The following C4orf54 variants were observed in gnomAD, a reference collection of about 807,000 sequenced individuals.
The protein encoded by C4orf54 is chromosome 4 open reading frame 54.
A neutral mutation model predicts 80.1 loss-of-function variants in C4orf54; 67 were observed. The observed-to-expected ratio is 0.84, with a 90% confidence interval of 0.69 to 1.03. The LOEUF is 1.03. Ranked by LOEUF, C4orf54 falls within the 50% of genes least tolerant of loss-of-function variation. The pLI is 0.00. For missense variants in C4orf54, 2,434 were observed against 2,253.5 expected (o/e 1.08, Z -1.62); for synonymous variants, 1,000 against 917.0 (o/e 1.09, Z -1.64).
chr4:99,641,542 C>T (rs1402134295), intron 2 of C4orf54, among the ~76,000 whole-genome samples: 1 of 151,992 alleles, frequency 6.6e-6, no homozygotes, highest in Non-Finnish European at 1.5e-5. Context: ...TATTAGCATG[C>T]AGAAATATTT....
rs764366225 is a variant in C4orf54, at chr4:99,650,010, G to A, written c.4639C>T (p.Pro1547Ser). The A allele has an allele frequency of 3.5e-5, 54 of 1,535,314 alleles. No individual in the cohort carries two copies. The highest frequency in any genetic ancestry group is 7.3e-5 in the East Asian group (3 of 40,886). ...GGATGCTCGGGGCTCTGTGGCCCTG[G>A]GGGGGCAGCTACTGTCTCCCGGGGG... Reference protein sequence around the residue: ...DNPRETVAAPPGPQSPEHPPT... With the variant: ...DNPRETVAAPSGPQSPEHPPT... The change falls in exon 2 of 3, where the codon CCA becomes TCA. Residue 1547 changes from proline to serine, a missense_variant. By Grantham distance (74) the Pro-to-Ser change is moderately conservative. Transcript: ENST00000511828.
At position 99,638,313 on chromosome 4, in the gene C4orf54, A is replaced by T. The variant is rs1038280168; in HGVS notation, c.*2920T>A. 2.6e-5 allele frequency: 4 copies of T among 152,190 alleles called. No individual in the cohort carries two copies. Among genetic ancestry groups the T allele is most frequent in the African/African-American group, 9.6e-5 (4 of 41,458 alleles). 9.4% of individuals were successfully genotyped at this position (152,190 alleles called of 1,614,324 possible). ...TTCATTGAGTACTTTTTAAAAACAT[A>T]CATTCTGGCGAATTAAATTTTTATA... On this transcript the variant is annotated 3_prime_UTR_variant, in exon 3 of 3. Coordinates refer to ENST00000511828, the MANE Select transcript of C4orf54 (RefSeq NM_001354435.2).
chr4:99,651,848 C>G lies in C4orf54; in HGVS notation c.2801G>C (p.Gly934Ala). 6.5e-7 allele frequency: 1 copy of G among 1,536,118 alleles called. No homozygotes were observed. Among genetic ancestry groups the G allele is most frequent in the Non-Finnish European group, 8.7e-7 (1 of 1,146,926 alleles). The change falls in exon 2 of 3, where the codon GGC (glycine) becomes GCC (alanine). Residue 934 changes from glycine to alanine, a missense_variant. Gly to Ala is a moderately conservative substitution (Grantham distance 60, BLOSUM62 0). Coordinates refer to ENST00000511828, the MANE Select transcript of C4orf54 (RefSeq NM_001354435.2). ...ACTGTTCTGACTACGGAGGAAGATG[C>G]CCTTGACGGTCTCTGAGGCACTCTT... ...IKKSASETVKGIFLRSQNSAF... is the reference protein window; with the variant it reads ...IKKSASETVKAIFLRSQNSAF...
At position 99,654,344 on chromosome 4, in the gene C4orf54, G is replaced by A. The variant is rs1726941064; in HGVS notation, c.305C>T (p.Pro102Leu). The change falls in exon 2 of 3, where the codon CCA becomes CTA. Residue 102 changes from proline to leucine, a missense_variant. By Grantham distance (98) the Pro-to-Leu change is moderately conservative. Transcript: ENST00000511828. The part of the protein sequence containing the change: ...AVAAVPTALG[P>L]VQIRGTLLRA... Reference sequence around the variant, plus strand: ...AAGCAGGGTCCCACGTATCTGGACTGGCCCCAAGGCTGTAGGCACTGCTGC... The same window carrying A: ...AAGCAGGGTCCCACGTATCTGGACTAGCCCCAAGGCTGTAGGCACTGCTGC... 12 of 1,324,210 alleles carry A rather than the reference G, an allele frequency of 9.1e-6. No individual in the cohort carries two copies. The highest frequency in any genetic ancestry group is 1.3e-5 in the Non-Finnish European group (12 of 953,908). The allele number at this position is 1,324,210 out of a possible 1,614,324, so 82.0% of individuals were successfully genotyped here.
chr4:99,652,219 G>A lies in C4orf54; in HGVS notation c.2430C>T (p.Ser810=). 2.6e-6 allele frequency: 4 copies of A among 1,535,986 alleles called. No homozygotes were observed. The highest frequency in any genetic ancestry group is 2.4e-5 in the East Asian group (1 of 40,868). Residue 810 remains serine, a synonymous_variant, in exon 2 of 3, where the codon TCC becomes TCT. Coordinates refer to ENST00000511828, the MANE Select transcript of C4orf54 (RefSeq NM_001354435.2). ...ADGPQKSKFA[S]SLLKNVISKK... ...TGGAAATGACATTTTTGAGCAGACTGGAGGCGAACTTGGACTTCTGGGGGC... is the reference window on the plus strand; with the variant it reads ...TGGAAATGACATTTTTGAGCAGACTAGAGGCGAACTTGGACTTCTGGGGGC...
chr4:99,653,368 G>C lies in C4orf54; in HGVS notation c.1281C>G (p.Asp427Glu). Residue 427 changes from aspartate (D) to glutamate (E), a missense_variant, in exon 2 of 3, where the codon GAC becomes GAG. Physicochemically the swap from Asp to Glu is conservative, Grantham distance 45. Transcript: ENST00000511828. ...TGGTGCTGAGGTAGCAGCTGTTGTC[G>C]TCGTCCTCTTCGGTCAGACTGGTGA... ...GDITSLTEEDDDNSCYLSTTP... is the reference protein window; with the variant it reads ...GDITSLTEEDEDNSCYLSTTP... The C allele has an allele frequency of 6.5e-7, 1 of 1,536,268 alleles. No individual in the cohort carries two copies. The highest frequency in any genetic ancestry group is 2.4e-5 in the East Asian group (1 of 40,906).
At position 99,654,274 on chromosome 4, in the gene C4orf54, G is replaced by T; in HGVS notation, c.375C>A (p.Asp125Glu). 1 of 1,535,924 alleles carries T rather than the reference G, an allele frequency of 6.5e-7. No individual in the cohort carries two copies. Among genetic ancestry groups the T allele is most frequent in the South Asian group, 1.2e-5 (1 of 84,044 alleles). The change falls in exon 2 of 3, where the codon GAC becomes GAA. Residue 125 changes from aspartate to glutamate, a missense_variant. By Grantham distance (45) the Asp-to-Glu change is conservative. Coordinates refer to ENST00000511828, the MANE Select transcript of C4orf54 (RefSeq NM_001354435.2). ...QPLRGQRRTQ[D>E]FPSDHHCLFL... ...AGAGACAATGGTGATCGCTGGGGAA[G>T]TCTTGGGTCCGTCTCTGGCCCCGGA...
In C4orf54 at chr4:99,652,800, C is replaced by T; in HGVS notation, c.1849G>A (p.Asp617Asn). 6.5e-7 allele frequency: 1 copy of T among 1,536,136 alleles called. No individual in the cohort carries two copies. The highest frequency in any genetic ancestry group is 8.7e-7 in the Non-Finnish European group (1 of 1,146,906). Residue 617 changes from aspartate to asparagine, a missense_variant, in exon 2 of 3, where the codon GAC (aspartate) becomes AAC (asparagine). Asp to Asn is a conservative substitution (Grantham distance 23). Transcript: ENST00000511828. ...SGASSAVSEL[D>N]DADKEVRNLT... ...TTACGCACCTCTTTGTCCGCATCGTCCAGTTCGCTCACGGCACTGGAGGCT... is the reference window on the plus strand; with the variant it reads ...TTACGCACCTCTTTGTCCGCATCGTTCAGTTCGCTCACGGCACTGGAGGCT...
In C4orf54 at chr4:99,654,293, C is replaced by T. The variant is rs1377895344; in HGVS notation, c.356G>A (p.Gly119Asp). ...LLRATLQPLR[G>D]QRRTQDFPSD... is the part of the protein sequence containing the mutation. Reference sequence around the variant, plus strand: ...GGGGAAGTCTTGGGTCCGTCTCTGGCCCCGGAGGGGCTGCAGAGTTGCCCG... The same window carrying T: ...GGGGAAGTCTTGGGTCCGTCTCTGGTCCCGGAGGGGCTGCAGAGTTGCCCG... Residue 119 changes from glycine to aspartate, a missense_variant, in exon 2 of 3, where the codon GGC becomes GAC. By Grantham distance (94) the Gly-to-Asp change is moderately conservative (BLOSUM62 -1). Transcript: ENST00000511828. 6.5e-6 allele frequency: 10 copies of T among 1,532,142 alleles called. No homozygotes were observed. The highest frequency in any genetic ancestry group is 8.7e-6 in the Non-Finnish European group (10 of 1,143,270). 94.9% of individuals were successfully genotyped at this position (1,532,142 alleles called of 1,614,324 possible).
rs1400245777 is a variant in C4orf54 at position 99,649,906 on chromosome 4, T to G, written c.4743A>C (p.Pro1581=). Residue 1581 remains proline, a synonymous_variant, in exon 2 of 3, where the codon CCA becomes CCC. Coordinates refer to ENST00000511828, the MANE Select transcript of C4orf54 (RefSeq NM_001354435.2). ...GAQPQVLCFS[P]PSMPAPAPAA... ...CAGGTGCTGGGGCAGGCATGCTGGG[T>G]GGGGAGAAGCAGAGGACCTGAGGCT... The G allele has an allele frequency of 6.6e-7, 1 of 1,526,192 alleles. No homozygotes were observed. The highest frequency in any genetic ancestry group is 1.2e-5 in the South Asian group (1 of 83,472). The allele number at this position is 1,526,192 out of a possible 1,614,324, so 94.5% of individuals were successfully genotyped here.
Position 99,649,506 on chromosome 4 carries a change from T to C in C4orf54, c.5143A>G (p.Ser1715Gly), listed in dbSNP as rs1302747115. Residue 1715 changes from serine to glycine, a missense_variant, in exon 2 of 3, where the codon AGC becomes GGC. By Grantham distance (56) the Ser-to-Gly change is moderately conservative (BLOSUM62 0). Transcript: ENST00000511828. Reference protein sequence around the residue: ...ELSPMVAEPSSKEAAATFTEA... With the variant: ...ELSPMVAEPSGKEAAATFTEA... The stretch of plus-strand genomic sequence containing the variant: ...GTGAACGTTGCAGCTGCCTCTTTGC[T>C]GGAAGGTTCTGCCACCATTGGGGAG... The C allele has an allele frequency of 1.3e-6, 2 of 1,536,122 alleles. No homozygotes were observed. Among genetic ancestry groups the C allele is most frequent in the Admixed American group, 2.0e-5 (1 of 51,000 alleles).
At position 99,652,756 on chromosome 4, in the gene C4orf54, G is replaced by T; in HGVS notation, c.1893C>A (p.Phe631Leu). Residue 631 changes from phenylalanine (F) to leucine (L), a missense_variant, in exon 2 of 3, where the codon TTC becomes TTA. By Grantham distance (22) the Phe-to-Leu change is conservative (BLOSUM62 0). Coordinates refer to ENST00000511828, the MANE Select transcript of C4orf54 (RefSeq NM_001354435.2). ...KEVRNLTSRA[F>L]RSLAYPYFEA... ...CAAAGTAGGGGTAAGCCAGGCTCCG[G>T]AAGGCCCGGGAGGTCAGGTTACGCA... 1 of 1,536,092 alleles carries T rather than the reference G, an allele frequency of 6.5e-7. No individual in the cohort carries two copies. The highest frequency in any genetic ancestry group is 8.7e-7 in the Non-Finnish European group (1 of 1,146,904).
chr4:99,657,298 A>G (rs546028901), intron 1 of C4orf54, among the ~76,000 whole-genome samples, 197 bp downstream of exon 1: 16 of 152,360 alleles, frequency 1.1e-4, no homozygotes, highest in African/African-American at 3.8e-4. Flanking sequence ...AACAGATTTC[A>G]GCTGAGTTTC....
At chr4:99,655,438 C>A (rs1332062473) in intron 1 of C4orf54, among the ~76,000 whole-genome samples, 1 of 152,190 alleles carries the variant, frequency 6.6e-6, no homozygotes, top group Non-Finnish European at 1.5e-5. Flanking sequence ...GAGCTGCAGC[C>A]TCATGATTCG....
chr4:99,644,077 G>A lies in C4orf54; in HGVS notation c.*37-2881C>T, dbSNP rs575869334. On this transcript the variant is annotated intron_variant, in intron 2 of 2. Coordinates refer to ENST00000511828, the MANE Select transcript of C4orf54 (RefSeq NM_001354435.2). ...TTTACAACAAAGAACTGAGACCAGCGAGCAGAGAATAAGACAAATAAATGA... is the reference window on the plus strand; with the variant it reads ...TTTACAACAAAGAACTGAGACCAGCAAGCAGAGAATAAGACAAATAAATGA... Among the ~76,000 whole-genome samples, 22 of 152,234 alleles carry A rather than the reference G, an allele frequency of 1.4e-4. 1 individual carries two copies. Among genetic ancestry groups the A allele is most frequent in the African/African-American group, 4.6e-4 (19 of 41,514 alleles).
chr4:99,653,125 G>C lies in C4orf54; in HGVS notation c.1524C>G (p.Ala508=). 1 of 1,536,154 alleles carries C rather than the reference G, an allele frequency of 6.5e-7. No individual in the cohort carries two copies. The highest frequency in any genetic ancestry group is 8.7e-7 in the Non-Finnish European group (1 of 1,146,906). The change falls in exon 2 of 3, where the codon GCC becomes GCG. Residue 508 remains alanine (A), a synonymous_variant. Coordinates refer to ENST00000511828, the MANE Select transcript of C4orf54 (RefSeq NM_001354435.2). ...TTGCTGCACTCCCACAGCTGCTTGC[G>C]GCGGCGGCTGCTGCCCCTGAAGCTG... ...PEAASGAAAA[A]ASSCGSAASQ... is the part of the protein sequence containing the mutation.
In C4orf54 at chr4:99,650,995, A is replaced by G; in HGVS notation, c.3654T>C (p.Pro1218=). 1 of 1,536,034 alleles carries G rather than the reference A, an allele frequency of 6.5e-7. No homozygotes were observed. The highest frequency in any genetic ancestry group is 8.7e-7 in the Non-Finnish European group (1 of 1,146,892). The part of the protein sequence containing the change: ...PNKPEQGSYL[P]VLKIVSKAST... Reference sequence around the variant, plus strand: ...AAGCCTTGGAGACAATCTTGAGCACAGGCAGGTATGAGCCCTGCTCGGGCT... The same window carrying G: ...AAGCCTTGGAGACAATCTTGAGCACGGGCAGGTATGAGCCCTGCTCGGGCT... Residue 1218 remains proline, a synonymous_variant, in exon 2 of 3, where the codon CCT becomes CCC. Transcript: ENST00000511828.
In C4orf54 at chr4:99,651,662, T is replaced by C; in HGVS notation, c.2987A>G (p.Gln996Arg). ...IMSRLFVPNI[Q>R]QTPKDKQPRK... ...CGGCTGCTTGTCCTTGGGTGTCTGC[T>C]GGATGTTGGGGACAAAGAGGCGAGA... The change falls in exon 2 of 3, where the codon CAG becomes CGG. Residue 996 changes from glutamine (Q) to arginine (R), a missense_variant. Coordinates refer to ENST00000511828, the MANE Select transcript of C4orf54 (RefSeq NM_001354435.2). The C allele has an allele frequency of 6.5e-7, 1 of 1,536,064 alleles. No individual in the cohort carries two copies. The highest frequency in any genetic ancestry group is 2.4e-5 in the East Asian group (1 of 40,906).
chr4:99,637,020 T>C lies in C4orf54; in HGVS notation c.*4213A>G, dbSNP rs2110244663. On this transcript the variant is annotated 3_prime_UTR_variant, in exon 3 of 3. Transcript: ENST00000511828. ...TTTTCAACCACTGCTGTCTTTAATA[T>C]ACAATAGTATGATTTATGTGTAAAT... 6.6e-6 allele frequency: 1 copy of C among 152,296 alleles called. No individual in the cohort carries two copies. Among genetic ancestry groups the C allele is most frequent in the Middle Eastern group, 3.4e-3 (1 of 294 alleles). 9.4% of individuals were successfully genotyped at this position (152,296 alleles called of 1,614,324 possible). A position where few individuals can be genotyped will look rare whatever the true frequency, so the allele number is the denominator to read the frequency against.
Sources: allele counts gnomAD v4.1 joint callset (sites outside exome capture counted in the v4.1 genomes callset), GRCh38; gene constraint gnomAD v4.1.1; transcripts MANE v1.5; gene names NCBI Gene and HGNC (gene_info 2026-07-23, HGNC 2026-07-21).